DLGAP1: variants seen among roughly 807,000 people sequenced by gnomAD.
The protein encoded by DLGAP1 is disks large-associated protein 1.
In DLGAP1, 11 loss-of-function variants were observed where a neutral mutation model predicts 90.8. The observed-to-expected ratio is 0.12, with a 90% CI of 0.08 to 0.20. DLGAP1 has a LOEUF of 0.20. Ranked by LOEUF, DLGAP1 falls within the 10% of genes least tolerant of loss-of-function variation. The pLI is 1.00. For synonymous variants in DLGAP1, 558 were observed against 540.7 expected (o/e 1.03, Z -0.44); for missense variants, 1,050 against 1,333.8 (o/e 0.79, Z 3.31).
chr18:4,355,366 GGT>G (rs1407280715), intron 1 of DLGAP1, among the ~76,000 whole-genome samples: 27 of 152,102 alleles, frequency 1.8e-4, no homozygotes, highest in Admixed American at 6.5e-5. Context: ...GGTTACATAT[GGT>G]GTGATTCCAT....
intron 3 of DLGAP1, among the ~76,000 whole-genome samples, chr18:3,952,910 G>A (rs2073017328): frequency 6.6e-6 from 1 of 152,140 alleles, no homozygotes; most frequent in Non-Finnish European, 1.5e-5. Flanking sequence ...GATGTCCAGG[G>A]CCATTTTTCC....
intron 5 of DLGAP1, among the ~76,000 whole-genome samples, chr18:3,793,611 G>A (rs1240256510): frequency 3.9e-5 from 6 of 152,152 alleles, no homozygotes; most frequent in African/African-American, 1.2e-4. Flanking sequence ...AGTGCTCCCC[G>A]TGGCCCATGC....
chr18:3,548,459 G>GAA (rs560637716), intron 9 of DLGAP1, among the ~76,000 whole-genome samples: 20 of 128,948 alleles, frequency 1.6e-4, no homozygotes, highest in East Asian at 6.6e-4. Flanking sequence ...TCTATAAAAA[G>GAA]AAAAAAAAAA....
At chr18:3,500,602 G>T (rs754210519) in intron 12 of DLGAP1, among the ~76,000 whole-genome samples, 2 of 151,910 alleles carry the variant, frequency 1.3e-5, no homozygotes, top group African/African-American at 2.4e-5. Flanking sequence ...AGAGAAAAAA[G>T]GAGAGCCTGG....
intron 7 of DLGAP1, among the ~76,000 whole-genome samples, chr18:3,663,537 C>T (rs1177908245): frequency 6.6e-6 from 1 of 152,162 alleles, no homozygotes; most frequent in Non-Finnish European, 1.5e-5. Context: ...CTGCCAGTAT[C>T]TGGGCTCAGA....
intron 7 of DLGAP1, among the ~76,000 whole-genome samples, chr18:3,694,278 A>T (rs1300993223): frequency 6.6e-6 from 1 of 152,212 alleles, no homozygotes; most frequent in Non-Finnish European, 1.5e-5. Context: ...TTCTTTATCC[A>T]GTCTATCATT....
chr18:3,865,298 C>T (rs1170106697), intron 4 of DLGAP1, among the ~76,000 whole-genome samples: 1 of 152,176 alleles, frequency 6.6e-6, no homozygotes, highest in African/African-American at 2.4e-5. Context: ...CTGGCAGTCT[C>T]ATGGGGTCAG....
chr18:4,058,727 C>A (rs1196817863), intron 2 of DLGAP1, among the ~76,000 whole-genome samples: 1 of 152,194 alleles, frequency 6.6e-6, no homozygotes, highest in Non-Finnish European at 1.5e-5. Context: ...CTCCTGTAGC[C>A]TCCGTTTCTC....
chr18:3,720,888 C>CCAAAAAAAAAAAAAAAAAAAAAAAAAAAA lies in DLGAP1; in HGVS notation c.1591+8246_1591+8247insTTTTTTTTTTTTTTTTTTTTTTTTTTTTG, dbSNP rs1441095000. ...GCAACATACTAAGACCTTGTCTCTA[C>CCAAAAAAAAAAAAAAAAAAAAAAAAAAAA]AAAAAAAAAAAAAAAAAAAAATTAG... On this transcript the variant is annotated intron_variant, in intron 7 of 12. Transcript: ENST00000315677. Among the ~76,000 whole-genome samples the CCAAAAAAAAAAAAAAAAAAAAAAAAAAAA allele has an allele frequency of 3.2e-4, 16 of 50,306 alleles. 2 individuals are homozygous for CCAAAAAAAAAAAAAAAAAAAAAAAAAAAA. Among genetic ancestry groups the CCAAAAAAAAAAAAAAAAAAAAAAAAAAAA allele is most frequent in the African/African-American group, 1.3e-3 (16 of 12,486 alleles). The allele number at this position is 50,306 out of a possible 152,430, so 33.0% of individuals were successfully genotyped here. A position where few individuals can be genotyped will look rare whatever the true frequency, so the allele number is the denominator to read the frequency against.
intron 4 of DLGAP1, among the ~76,000 whole-genome samples, chr18:3,835,873 C>A (rs2068349360): frequency 6.6e-6 from 1 of 152,116 alleles, no homozygotes; most frequent in South Asian, 2.1e-4. Context: ...TGCCTCCCCG[C>A]CATCGCCATC....
chr18:3,702,082 A>C (rs1330844516), intron 7 of DLGAP1, among the ~76,000 whole-genome samples: 1 of 152,202 alleles, frequency 6.6e-6, no homozygotes, highest in Non-Finnish European at 1.5e-5. Context: ...ACAGAGTCTC[A>C]TACTTGTCCC....
chr18:3,846,470 C>G (rs550566738), intron 4 of DLGAP1, among the ~76,000 whole-genome samples: 1 of 152,184 alleles, frequency 6.6e-6, no homozygotes, highest in Non-Finnish European at 1.5e-5. Flanking sequence ...GAAATGAAAG[C>G]AAATGTCCAC....
chr18:3,879,334 C>T lies in DLGAP1; in HGVS notation c.735G>A (p.Glu245=), dbSNP rs933970261. Reference sequence around the variant, plus strand: ...TGCTCCGGGAGGCCTTCACCGCCTGCTCGCTGATGGTGTTGTAGGCCTCCA... The same window carrying T: ...TGCTCCGGGAGGCCTTCACCGCCTGTTCGCTGATGGTGTTGTAGGCCTCCA... ...YFLEAYNTIS[E]QAVKASRSNN... The change falls in exon 4 of 13, where the codon GAG becomes GAA. Residue 245 remains glutamate (E), a synonymous_variant. Transcript: ENST00000315677. The surrounding 1 kb of genome is among the most constrained non-coding windows in gnomAD (Gnocchi z 6.6). The T allele has an allele frequency of 3.7e-6, 6 of 1,606,540 alleles. No homozygotes were observed. In the African/African-American group the frequency reaches 8.0e-5, roughly 21 times the overall value.
At chr18:4,067,844 G>A (rs2075391660) in intron 2 of DLGAP1, among the ~76,000 whole-genome samples, 1 of 151,918 alleles carries the variant, frequency 6.6e-6, no homozygotes, top group African/African-American at 2.4e-5. Context: ...CCGAATCAAT[G>A]TACACCTTAC....
intron 10 of DLGAP1, among the ~76,000 whole-genome samples, chr18:3,522,357 A>G (rs2051261010): frequency 6.6e-6 from 1 of 151,574 alleles, no homozygotes; most frequent in Non-Finnish European, 1.5e-5. Context: ...GGCTGGTCTC[A>G]AAGTCCTGAC....
At chr18:4,329,098 T>C (rs1446104470) in intron 1 of DLGAP1, among the ~76,000 whole-genome samples, 1 of 151,996 alleles carries the variant, frequency 6.6e-6, no homozygotes, top group African/African-American at 2.4e-5. Flanking sequence ...TCACCAAAAC[T>C]CACAAAGATA....
intron 2 of DLGAP1, among the ~76,000 whole-genome samples, chr18:4,016,265 A>G (rs1347882658): frequency 6.6e-6 from 1 of 152,252 alleles, no homozygotes; most frequent in African/African-American, 2.4e-5. Context: ...ATATAAATAA[A>G]TTACTAGTTC....
intron 1 of DLGAP1, among the ~76,000 whole-genome samples, chr18:4,213,069 A>G (rs978091561): frequency 1.3e-5 from 2 of 152,162 alleles, no homozygotes; most frequent in African/African-American, 4.8e-5. Context: ...TAATTGAGCA[A>G]ACAGGTTTTG....
At chr18:4,180,980 A>G (rs1233779707) in intron 1 of DLGAP1, among the ~76,000 whole-genome samples, 2 of 131,290 alleles carry the variant, frequency 1.5e-5, no homozygotes, top group East Asian at 6.0e-4. Context: ...AAGGACTTCT[A>G]CTAATGGACA....
Sources: gnomAD v4.1 joint callset for allele counts (sites outside exome capture counted in the v4.1 genomes callset) on GRCh38, gnomAD v4.1.1 for gene constraint, Gnocchi (gnomAD v3.1) non-coding constraint, MANE v1.5 for transcripts, NCBI Gene and HGNC (gene_info 2026-07-23, HGNC 2026-07-21) for gene names.